SND1: variants seen among roughly 807,000 people sequenced by gnomAD.
SND1 encodes the protein staphylococcal nuclease and tudor domain containing 1, also known as staphylococcal nuclease domain-containing protein 1.
A neutral mutation model predicts 121.7 loss-of-function variants in SND1; 38 were observed. The observed-to-expected ratio is 0.31, with a 90% CI of 0.24 to 0.41. The LOEUF is 0.41. Among genes scored for constraint, SND1 ranks in the 10% least tolerant of loss-of-function variants. SND1 has a pLI of 1.00. For missense variants in SND1, 868 were observed against 1,184.6 expected (o/e 0.73, Z 3.92); for synonymous variants, 401 against 447.4 (o/e 0.90, Z 1.31).
chr7:128,080,189 ACG>A (rs1424971490), intron 17 of SND1, among the ~76,000 whole-genome samples: 2 of 152,214 alleles, frequency 1.3e-5, no homozygotes, highest in African/African-American at 4.8e-5. Context: ...GTGGGACCCC[ACG>A]CGTGATCCAT....
At chr7:127,671,059 A>G (rs1170959256) in intron 1 of SND1, among the ~76,000 whole-genome samples, 2 of 152,182 alleles carry the variant, frequency 1.3e-5, no homozygotes, top group African/African-American at 4.8e-5. Context: ...TAATAGTTTG[A>G]TATTCAAATT....
chr7:127,926,987 C>G (rs191655486), intron 14 of SND1, among the ~76,000 whole-genome samples: 2 of 152,152 alleles, frequency 1.3e-5, no homozygotes, highest in African/African-American at 4.8e-5. Flanking sequence ...TGGAATAGAG[C>G]TGTTGAGTTG....
intron 14 of SND1, among the ~76,000 whole-genome samples, chr7:127,921,857 T>C (rs1800713782): frequency 6.6e-6 from 1 of 152,210 alleles, no homozygotes; most frequent in African/African-American, 2.4e-5. Flanking sequence ...TGCCCATGTC[T>C]TTTTTAGCGT....
chr7:127,892,531 G>A (rs1001930240), intron 13 of SND1, among the ~76,000 whole-genome samples: 2 of 152,054 alleles, frequency 1.3e-5, no homozygotes, highest in Non-Finnish European at 2.9e-5. Flanking sequence ...CCCATCTAGA[G>A]GAAGTCACAT....
chr7:127,917,512 A>G (rs1270635857), intron 14 of SND1, among the ~76,000 whole-genome samples: 1 of 151,818 alleles, frequency 6.6e-6, no homozygotes, highest in African/African-American at 2.4e-5. Flanking sequence ...CATTGTCCAC[A>G]CTCTTTTTTG....
chr7:128,008,192 G>A (rs1462256121), intron 16 of SND1: 1 of 152,236 alleles, frequency 6.6e-6, no homozygotes, highest in East Asian at 1.9e-4. Flanking sequence ...GTGAGAAAAG[G>A]ATGGGAGCCT....
intron 16 of SND1, chr7:128,027,638 C>T (rs905921621): frequency 3.3e-5 from 5 of 152,210 alleles, no homozygotes; most frequent in African/African-American, 1.2e-4. Context: ...CCAATTCAGG[C>T]TTCTCCTCCC....
intron 12 of SND1, among the ~76,000 whole-genome samples, chr7:127,856,273 TC>T (rs1799271715): frequency 2.0e-5 from 3 of 152,190 alleles, no homozygotes; most frequent in Admixed American, 2.0e-4. Context: ...GCCAGCTACT[TC>T]CCTGGGTATG....
At chr7:127,919,040 TATTA>T (rs1016244940) in intron 14 of SND1, among the ~76,000 whole-genome samples, 5 of 152,354 alleles carry the variant, frequency 3.3e-5, no homozygotes, top group African/African-American at 1.2e-4. Context: ...TATCTATTTT[TATTA>T]ATGCTTTAAA....
chr7:127,968,262 T>G (rs1801900808), intron 15 of SND1, among the ~76,000 whole-genome samples: 1 of 152,266 alleles, frequency 6.6e-6, no homozygotes, highest in Non-Finnish European at 1.5e-5. Context: ...TGGCAAATTG[T>G]GACCTCCTGT....
intron 3 of SND1, 135 bp from the exon 4 acceptor site, chr7:127,698,740 A>C: frequency 1.4e-6 from 1 of 692,216 alleles, no homozygotes; most frequent in Non-Finnish European, 2.6e-6. Flanking sequence ...CCAATGCTAC[A>C]TTGCTGCTGT....
Position 128,074,565 on chromosome 7 carries a change from G to A in SND1, c.1843G>A (p.Gly615Ser), listed in dbSNP as rs144956035. The change falls in exon 17 of 24, where the codon GGT (glycine) becomes AGT (serine). Residue 615 changes from glycine (G) to serine (S), a missense_variant. Around this residue, in one of 2 missense-constraint regions of SND1, gnomAD observed 743 missense variants for 1,071.3 expected, o/e 0.69. Transcript: ENST00000354725. Reference sequence around the variant, plus strand: ...CTTTATCGGCTGGCTGCACATCGACGGTGCCAACCTGTCCGTCCTGCTGGT... The same window carrying A: ...CTTTATCGGCTGGCTGCACATCGACAGTGCCAACCTGTCCGTCCTGCTGGT... ...GNFIGWLHID[G>S]ANLSVLLVEH... is the part of the protein sequence containing the mutation. 2,941 of 1,613,532 alleles carry A rather than the reference G, an allele frequency of 1.8e-3. 7 individuals are homozygous for A. Among genetic ancestry groups the A allele is most frequent in the Non-Finnish European group, 2.3e-3 (2,656 of 1,179,878 alleles).
intron 14 of SND1, among the ~76,000 whole-genome samples, chr7:127,916,723 A>C (rs1800587715): frequency 6.6e-6 from 1 of 152,206 alleles, no homozygotes; most frequent in African/African-American, 2.4e-5. Flanking sequence ...TCCAGCTTCA[A>C]GGTAAAGTAA....
At chr7:128,019,090 C>A (rs371621969) in intron 16 of SND1, among the ~76,000 whole-genome samples, 2 of 152,168 alleles carry the variant, frequency 1.3e-5, no homozygotes, top group East Asian at 3.8e-4. Flanking sequence ...GACCTGCCCC[C>A]CTCCCCACCT....
chr7:127,814,881 T>G (rs966941553), intron 11 of SND1, among the ~76,000 whole-genome samples: 6 of 152,164 alleles, frequency 3.9e-5, no homozygotes, highest in African/African-American at 1.4e-4. Context: ...TATAGTTGGG[T>G]GATAGAAGTG....
At position 127,721,301 on chromosome 7, in the gene SND1, G is replaced by A; in HGVS notation, c.1053G>A (p.Leu351=). The change falls in exon 10 of 24, where the codon CTG becomes CTA. Residue 351 remains leucine (L), a synonymous_variant. Transcript: ENST00000354725. ...TTTGCTCACAGGTGATGCAGGTTCT[G>A]AATGCTGATGCCATTGTTGTGAAGC... ...KQFVAKVMQV[L]NADAIVVKLN... 1 of 1,613,588 alleles carries A rather than the reference G, an allele frequency of 6.2e-7. No individual in the cohort carries two copies. The highest frequency in any genetic ancestry group is 8.5e-7 in the Non-Finnish European group (1 of 1,179,686).
At chr7:127,914,662 T>C (rs1178268041) in intron 14 of SND1, among the ~76,000 whole-genome samples, 2 of 152,164 alleles carry the variant, frequency 1.3e-5, no homozygotes, top group Admixed American at 6.6e-5. Flanking sequence ...TGCCCCATCC[T>C]CCAAGGTACA....
intron 1 of SND1, among the ~76,000 whole-genome samples, chr7:127,664,523 A>G (rs1057044892): frequency 1.3e-5 from 2 of 152,176 alleles, no homozygotes; most frequent in Admixed American, 6.5e-5. Context: ...CACCCCCCAT[A>G]TATTACCTTA....
At chr7:127,834,244 T>G (rs1314194356) in intron 11 of SND1, among the ~76,000 whole-genome samples, 1 of 152,222 alleles carries the variant, frequency 6.6e-6, no homozygotes, top group Non-Finnish European at 1.5e-5. Flanking sequence ...ATAGTAATTC[T>G]ATTTTTAATT....
Sources: gnomAD v4.1 joint callset for allele counts (sites outside exome capture counted in the v4.1 genomes callset) on GRCh38, gnomAD v4.1.1 for gene constraint, gnomAD v4.1.1 regional missense constraint, MANE v1.5 for transcripts, NCBI Gene and HGNC (gene_info 2026-07-23, HGNC 2026-07-21) for gene names.